Variants in ZHX2 observed in about 807,000 individuals in gnomAD.
ZHX2 encodes zinc fingers and homeoboxes protein 2.
ZHX2 carries 6 observed loss-of-function variants against 21.9 expected under a neutral mutation model. The observed-to-expected ratio is 0.27, with a 90% CI of 0.15 to 0.54. The LOEUF (loss-of-function observed/expected upper bound fraction) is 0.54, where lower values mean the gene tolerates loss of function less well. Ranked by LOEUF, ZHX2 falls within the 20% of genes least tolerant of loss-of-function variation. ZHX2 has a pLI of 0.95. For missense variants in ZHX2, 908 were observed against 1,090.7 expected (o/e 0.83, Z 2.36); for synonymous variants, 434 against 437.1 (o/e 0.99, Z 0.09).
intron 2 of ZHX2, among the ~76,000 whole-genome samples, chr8:122,888,918 A>C (rs532527675): frequency 6.6e-6 from 1 of 152,260 alleles, no homozygotes; most frequent in South Asian, 2.1e-4. Flanking sequence ...CCCAACCTAT[A>C]GTAACCACTC....
At chr8:122,904,773 C>T (rs1264547805) in intron 2 of ZHX2, among the ~76,000 whole-genome samples, 3 of 152,152 alleles carry the variant, frequency 2.0e-5, no homozygotes, top group East Asian at 3.8e-4. Flanking sequence ...CAAAATCACT[C>T]ATACCAAGAA....
chr8:122,894,928 C>T (rs1186308695), intron 2 of ZHX2, among the ~76,000 whole-genome samples: 2 of 152,128 alleles, frequency 1.3e-5, no homozygotes, highest in Admixed American at 6.5e-5. Flanking sequence ...TAGTGACTGA[C>T]ACACAGCATG....
intron 1 of ZHX2, among the ~76,000 whole-genome samples, chr8:122,840,661 G>A (rs117026026): frequency 2.8e-4 from 42 of 152,288 alleles, no homozygotes; most frequent in East Asian, 1.2e-3. Context: ...AGTCACCATC[G>A]TCACTGTCAT....
chr8:122,785,718 C>T (rs562372138), intron 1 of ZHX2, among the ~76,000 whole-genome samples: 1 of 152,264 alleles, frequency 6.6e-6, no homozygotes, highest in African/African-American at 2.4e-5. Context: ...GTTGAGTTGG[C>T]AGGGAGGGCA....
intron 2 of ZHX2, among the ~76,000 whole-genome samples, chr8:122,888,526 G>A (rs1230725518): frequency 6.6e-6 from 1 of 152,024 alleles, no homozygotes; most frequent in Non-Finnish European, 1.5e-5. Flanking sequence ...CCATTGCCCA[G>A]GCTGGAGTGC....
At chr8:122,838,638 C>T (rs892126120) in intron 1 of ZHX2, among the ~76,000 whole-genome samples, 2 of 139,892 alleles carry the variant, frequency 1.4e-5, no homozygotes, top group South Asian at 2.2e-4. Flanking sequence ...TGCAGTGGCT[C>T]GATCTCGGCT....
At chr8:122,950,870 A>G (rs1452047102) in intron 2 of ZHX2, among the ~76,000 whole-genome samples, 2 of 152,026 alleles carry the variant, frequency 1.3e-5, no homozygotes, top group Admixed American at 1.3e-4. Context: ...GATAAGCAAA[A>G]TGTTCATATC....
chr8:122,898,167 T>C (rs1018261232), intron 2 of ZHX2, among the ~76,000 whole-genome samples: 1 of 152,152 alleles, frequency 6.6e-6, no homozygotes, highest in Non-Finnish European at 1.5e-5. Context: ...AAACTTAACC[T>C]CATAGAGGTG....
At chr8:122,825,158 T>A (rs959398110) in intron 1 of ZHX2, among the ~76,000 whole-genome samples, 1 of 152,198 alleles carries the variant, frequency 6.6e-6, no homozygotes, top group African/African-American at 2.4e-5. Context: ...AATGTGGACA[T>A]CTTTTGAGGG....
chr8:122,949,635 G>A (rs1813061222), intron 2 of ZHX2, among the ~76,000 whole-genome samples: 2 of 152,148 alleles, frequency 1.3e-5, no homozygotes, highest in African/African-American at 4.8e-5. Context: ...CTTGAGCCCA[G>A]GTGTTGGAGA....
chr8:122,851,064 A>G (rs1373046416), intron 1 of ZHX2, among the ~76,000 whole-genome samples: 1 of 151,954 alleles, frequency 6.6e-6, no homozygotes, highest in African/African-American at 2.4e-5. Context: ...AGCTGCTCAC[A>G]TGTTTCGCAT....
At chr8:122,889,249 G>C (rs569894630) in intron 2 of ZHX2, among the ~76,000 whole-genome samples, 1 of 152,264 alleles carries the variant, frequency 6.6e-6, no homozygotes, top group Admixed American at 6.5e-5. Context: ...ACCCAGTAGT[G>C]GGATTGCTAG....
chr8:122,898,864 G>A (rs1341491547), intron 2 of ZHX2, among the ~76,000 whole-genome samples: 1 of 152,246 alleles, frequency 6.6e-6, no homozygotes, highest in Non-Finnish European at 1.5e-5. Flanking sequence ...TGCATGCCCA[G>A]GCAGGCCAGC....
At chr8:122,902,740 C>G (rs1319488132) in intron 2 of ZHX2, among the ~76,000 whole-genome samples, 2 of 152,036 alleles carry the variant, frequency 1.3e-5, no homozygotes, top group Admixed American at 6.6e-5. Context: ...AATGCCTAGC[C>G]CAGTCTGATA....
At chr8:122,785,925 C>G (rs1817385706) in intron 1 of ZHX2, among the ~76,000 whole-genome samples, 2 of 152,144 alleles carry the variant, frequency 1.3e-5, no homozygotes, top group South Asian at 4.1e-4. Flanking sequence ...GAAGGGAAGA[C>G]TAAGACTGAC....
chr8:122,912,519 C>A (rs1412536625), intron 2 of ZHX2, among the ~76,000 whole-genome samples: 1 of 152,176 alleles, frequency 6.6e-6, no homozygotes, highest in Non-Finnish European at 1.5e-5. Flanking sequence ...AGCACAGATC[C>A]TCCTTCAGAA....
At chr8:122,877,675 G>A (rs1221981561) in intron 2 of ZHX2, among the ~76,000 whole-genome samples, 1 of 152,186 alleles carries the variant, frequency 6.6e-6, no homozygotes, top group African/African-American at 2.4e-5. Context: ...ACCTCGCTGG[G>A]GAGGCCTGTC....
chr8:122,888,467 G>A (rs908685068), intron 2 of ZHX2, among the ~76,000 whole-genome samples: 1 of 151,956 alleles, frequency 6.6e-6, no homozygotes, highest in African/African-American at 2.4e-5. Context: ...AATTATTGGG[G>A]TTTCTTTGTT....
intron 2 of ZHX2, among the ~76,000 whole-genome samples, chr8:122,903,476 T>C (rs1820277234): frequency 6.6e-6 from 1 of 152,152 alleles, no homozygotes; most frequent in Non-Finnish European, 1.5e-5. Context: ...CTGGAAGGTA[T>C]TATTGGAGAA....
Sources: allele counts gnomAD v4.1 joint callset (sites outside exome capture counted in the v4.1 genomes callset), GRCh38; gene constraint gnomAD v4.1.1; transcripts MANE v1.5; gene names NCBI Gene and HGNC (gene_info 2026-07-23, HGNC 2026-07-21).